The following IQSEC1 variants were observed in gnomAD, a reference collection of about 807,000 sequenced individuals.
IQSEC1 encodes IQ motif and Sec7 domain ArfGEF 1, also known as IQ motif and SEC7 domain-containing protein 1.
A neutral mutation model predicts 91.0 loss-of-function variants in IQSEC1; 31 were observed. The ratio of observed to expected loss-of-function variants is 0.34; its 90% CI spans 0.26 to 0.46. The LOEUF (loss-of-function observed/expected upper bound fraction) is 0.46, where lower values mean the gene tolerates loss of function less well. Among genes scored for constraint, IQSEC1 ranks in the 20% least tolerant of loss-of-function variants. The pLI, the probability that IQSEC1 is intolerant of heterozygous loss-of-function variation, is 1.00. For synonymous variants in IQSEC1, 699 were observed against 662.6 expected (o/e 1.05, Z -0.84); for missense variants, 1,388 against 1,575.6 (o/e 0.88, Z 2.02).
chr3:13,098,947 T>C (rs1321439036), intron 2 of IQSEC1, among the ~76,000 whole-genome samples: 2 of 152,226 alleles, frequency 1.3e-5, no homozygotes, highest in Non-Finnish European at 2.9e-5. Context: ...CTTTACAGTA[T>C]GTAAATTCCA....
At chr3:12,950,489 A>AGACCC (rs1399831620) in intron 1 of IQSEC1, among the ~76,000 whole-genome samples, 1 of 152,202 alleles carries the variant, frequency 6.6e-6, no homozygotes, top group Non-Finnish European at 1.5e-5. Flanking sequence ...AAACGTAGCA[A>AGACCC]GACCCTGTCT....
intron 1 of IQSEC1, among the ~76,000 whole-genome samples, chr3:13,224,152 T>G (rs1434118470): frequency 4.6e-5 from 7 of 152,008 alleles, no homozygotes; most frequent in Non-Finnish European, 4.4e-5. Context: ...CCAGGGCCGG[T>G]GCAGAGCGAG....
chr3:13,154,468 T>C (rs1325217194), intron 2 of IQSEC1, among the ~76,000 whole-genome samples: 1 of 123,302 alleles, frequency 8.1e-6, no homozygotes, highest in Non-Finnish European at 1.7e-5. Flanking sequence ...TATATATATA[T>C]ATATATATGC....
At chr3:13,093,414 C>T (rs1025627943) in intron 2 of IQSEC1, among the ~76,000 whole-genome samples, 2 of 152,080 alleles carry the variant, frequency 1.3e-5, no homozygotes, top group African/African-American at 4.8e-5. Context: ...ATGTCCTCAC[C>T]GGGCCCCAGG....
chr3:12,991,007 A>G (rs1701962781), intron 1 of IQSEC1, among the ~76,000 whole-genome samples: 1 of 152,196 alleles, frequency 6.6e-6, no homozygotes, highest in African/African-American at 2.4e-5. Context: ...GTCACTGAGA[A>G]TTTAGCAGCC....
chr3:13,158,401 C>T (rs1707116828), intron 2 of IQSEC1, among the ~76,000 whole-genome samples: 1 of 152,190 alleles, frequency 6.6e-6, no homozygotes, highest in Non-Finnish European at 1.5e-5. Flanking sequence ...GAAAAAGGCC[C>T]AGTTAATTAC....
At chr3:13,118,072 A>T (rs1706364738) in intron 2 of IQSEC1, among the ~76,000 whole-genome samples, 1 of 152,120 alleles carries the variant, frequency 6.6e-6, no homozygotes, top group East Asian at 1.9e-4. Flanking sequence ...AGTTAATCAT[A>T]ACGTATAGTT....
rs1448407906 is a variant in IQSEC1 at position 12,901,241 on chromosome 3, G to C, written c.3087C>G (p.Thr1029=). 1.9e-6 allele frequency: 3 copies of C among 1,548,704 alleles called. No individual in the cohort carries two copies. The highest frequency in any genetic ancestry group is 2.7e-5 in the African/African-American group (2 of 72,820). The change falls in exon 14 of 14, where the codon ACC becomes ACG. Residue 1029 remains threonine (T), a synonymous_variant. Transcript: ENST00000613206. ...GAGGGTTCTGCATGTGGCAGTACTG[G>C]GTGTGATGCCCGTGCATGGCGGCCT... is the stretch of plus-strand genomic sequence containing the variant. ...LPQAAMHGHH[T]QYCHMQNPPP...
At chr3:13,113,876 T>C (rs562225126) in intron 2 of IQSEC1, among the ~76,000 whole-genome samples, 1 of 152,358 alleles carries the variant, frequency 6.6e-6, no homozygotes, top group South Asian at 2.1e-4. Flanking sequence ...TGGCCATCCA[T>C]GGCGGACTGG....
chr3:12,958,199 G>A (rs1255929014), intron 1 of IQSEC1, among the ~76,000 whole-genome samples: 1 of 152,220 alleles, frequency 6.6e-6, no homozygotes, highest in Non-Finnish European at 1.5e-5. Flanking sequence ...GCAGCTGCCA[G>A]GCCCCACAGC....
At chr3:13,096,742 T>C (rs558023508) in intron 2 of IQSEC1, among the ~76,000 whole-genome samples, 1 of 152,260 alleles carries the variant, frequency 6.6e-6, no homozygotes, top group South Asian at 2.1e-4. Flanking sequence ...CTGTCACGCT[T>C]GAAGGAGGCA....
At position 12,908,115 on chromosome 3, in the gene IQSEC1, G is replaced by C. The variant is rs1186418997; in HGVS notation, c.2755+234C>G. Among the ~76,000 whole-genome samples the C allele has an allele frequency of 6.6e-6, 1 of 152,238 alleles. No homozygotes were observed. The highest frequency in any genetic ancestry group is 1.5e-5 in the Non-Finnish European group (1 of 68,042). On this transcript the variant is annotated intron_variant, in intron 12 of 13. Coordinates refer to ENST00000613206, the MANE Select transcript of IQSEC1 (RefSeq NM_001134382.3). This position sits in a 1 kb window ranked among gnomAD's most constrained non-coding sequence, Gnocchi z 4.9. ...AGGGAAAATGGGGGTGACTTCCCCA[G>C]CTAATTCGTGTGCAATGCCTTTCTT...
At chr3:13,250,739 T>C (rs1695181060) in intron 1 of IQSEC1, among the ~76,000 whole-genome samples, 1 of 152,004 alleles carries the variant, frequency 6.6e-6, no homozygotes, top group African/African-American at 2.4e-5. Context: ...AGTGCTGGGA[T>C]TGCAGGCATG....
chr3:13,028,903 G>T (rs1703733605), intron 1 of IQSEC1, among the ~76,000 whole-genome samples: 1 of 152,212 alleles, frequency 6.6e-6, no homozygotes, highest in Admixed American at 6.5e-5. Context: ...CGGATCAGAA[G>T]TCCTGATTCT....
At chr3:13,154,020 C>A (rs1298227877) in intron 2 of IQSEC1, among the ~76,000 whole-genome samples, 1 of 152,036 alleles carries the variant, frequency 6.6e-6, no homozygotes, top group African/African-American at 2.4e-5. Flanking sequence ...CCAAAGCCAA[C>A]GGGATGAAAA....
In IQSEC1 at chr3:12,897,843, C is replaced by A. The variant is rs919193426; in HGVS notation, c.*3140G>T. 2 of 152,190 alleles carry A rather than the reference C, an allele frequency of 1.3e-5. No homozygotes were observed. The highest frequency in any genetic ancestry group is 2.9e-5 in the Non-Finnish European group (2 of 68,032). 9.4% of individuals were successfully genotyped at this position (152,190 alleles called of 1,614,324 possible). ...AGTGTGTGAGGGAAAGATCACTGCA[C>A]TGGGTGCTGAAGACATTTTTAAGCA... On this transcript the variant is annotated 3_prime_UTR_variant, in exon 14 of 14. Transcript: ENST00000613206.
At chr3:13,038,907 T>TA (rs1559735374) in intron 1 of IQSEC1, among the ~76,000 whole-genome samples, 1 of 150,858 alleles carries the variant, frequency 6.6e-6, no homozygotes, top group Non-Finnish European at 1.5e-5. Context: ...TACAGCAATT[T>TA]AAAAAAATGT....
At chr3:13,230,776 T>C (rs1350210119) in intron 1 of IQSEC1, among the ~76,000 whole-genome samples, 2 of 152,362 alleles carry the variant, frequency 1.3e-5, no homozygotes, top group South Asian at 4.1e-4. Flanking sequence ...TCCTTAACTA[T>C]AATTTTTCAT....
chr3:13,010,738 C>T (rs961510926), intron 1 of IQSEC1, among the ~76,000 whole-genome samples: 10 of 152,184 alleles, frequency 6.6e-5, no homozygotes, highest in African/African-American at 2.4e-4. Flanking sequence ...AAACTCCCTG[C>T]TCAAAAGCTC....
Sources: allele counts gnomAD v4.1 joint callset (sites outside exome capture counted in the v4.1 genomes callset), GRCh38; gene constraint gnomAD v4.1.1; non-coding constraint Gnocchi (gnomAD v3.1); transcripts MANE v1.5; gene names NCBI Gene and HGNC (gene_info 2026-07-23, HGNC 2026-07-21).